Variants in ATP13A5 observed in about 807,000 individuals in gnomAD.
ATP13A5 encodes probable cation-transporting ATPase 13A5.
ATP13A5 carries 149 observed loss-of-function variants against 150.2 expected under a neutral mutation model. That is an observed-to-expected ratio of 0.99 (90% CI 0.87 to 1.14). ATP13A5 has a LOEUF of 1.14. Among genes scored for constraint, ATP13A5 ranks in the 50% most tolerant of loss-of-function variants. The pLI is 0.00. For synonymous variants in ATP13A5, 497 were observed against 522.2 expected (o/e 0.95, Z 0.66); for missense variants, 1,383 against 1,449.3 (o/e 0.95, Z 0.74).
intron 5 of ATP13A5, among the ~76,000 whole-genome samples, chr3:193,355,468 G>A (rs1314719312): frequency 6.6e-6 from 1 of 152,152 alleles, no homozygotes; most frequent in Non-Finnish European, 1.5e-5. Flanking sequence ...CCTCAGAAAG[G>A]ACCAATGGGG....
At chr3:193,366,499 A>G (rs1713243198) in intron 1 of ATP13A5, among the ~76,000 whole-genome samples, 1 of 152,076 alleles carries the variant, frequency 6.6e-6, no homozygotes, top group South Asian at 2.1e-4. Context: ...AAAAAATACT[A>G]TGAGAGCAAA....
At chr3:193,279,822 C>T (rs1454358597) in intron 27 of ATP13A5, among the ~76,000 whole-genome samples, 1 of 151,826 alleles carries the variant, frequency 6.6e-6, no homozygotes, top group African/African-American at 2.4e-5. Flanking sequence ...TTCAGGGATC[C>T]TCTATTGACA....
chr3:193,359,592 T>C (rs1234290353), intron 5 of ATP13A5, among the ~76,000 whole-genome samples: 1 of 152,212 alleles, frequency 6.6e-6, no homozygotes, highest in Non-Finnish European at 1.5e-5. Context: ...AGAATTAAAT[T>C]TGGCCTTGCA....
intron 26 of ATP13A5, among the ~76,000 whole-genome samples, chr3:193,288,043 G>A (rs983109876): frequency 6.6e-6 from 1 of 152,138 alleles, no homozygotes; most frequent in African/African-American, 2.4e-5. Context: ...TAGAAGTGGA[G>A]CCTGAAGATG....
intron 1 of ATP13A5, among the ~76,000 whole-genome samples, chr3:193,368,406 G>GTGTGTA (rs1202443253): frequency 6.6e-6 from 1 of 151,802 alleles, no homozygotes; most frequent in African/African-American, 2.4e-5. Context: ...GTGTGTGTGT[G>GTGTGTA]TGTGTGTGTG....
chr3:193,330,004 C>T (rs1397977872), intron 12 of ATP13A5, among the ~76,000 whole-genome samples: 1 of 152,168 alleles, frequency 6.6e-6, no homozygotes, highest in Non-Finnish European at 1.5e-5. Context: ...GCATATGAGG[C>T]CCTTAACAAT....
chr3:193,279,445 G>T lies in ATP13A5; in HGVS notation c.3236C>A (p.Ser1079Ter). Residue 1079 changes from serine (S) to a stop codon, truncating the protein, a stop_gained, in exon 28 of 30, where the codon TCA (serine) becomes TAA (stop). Coordinates refer to ENST00000342358, the MANE Select transcript of ATP13A5 (RefSeq NM_198505.4). LOFTEE classifies it high-confidence loss of function. ...RKPIYTNYIF[S>*]FLLLAALGLT... The stretch of plus-strand genomic sequence containing the variant: ...GCCCAAGGCAGCTAGCAGCAGAAAT[G>T]AAAATATATCTGAGGAAATACCAAA... 6.2e-7 allele frequency: 1 copy of T among 1,612,928 alleles called. No homozygotes were observed. Among genetic ancestry groups the T allele is most frequent in the Non-Finnish European group, 8.5e-7 (1 of 1,179,114 alleles).
intron 25 of ATP13A5, among the ~76,000 whole-genome samples, chr3:193,291,971 G>A (rs1179169847): frequency 6.6e-6 from 1 of 152,070 alleles, no homozygotes; most frequent in Non-Finnish European, 1.5e-5. Flanking sequence ...TTGAACCCAA[G>A]GGAGTAATGG....
At chr3:193,278,393 G>C (rs1717322937) in intron 28 of ATP13A5, among the ~76,000 whole-genome samples, 1 of 152,084 alleles carries the variant, frequency 6.6e-6, no homozygotes, top group Non-Finnish European at 1.5e-5. Context: ...AACTTCTCTA[G>C]CTGCCTCCAT....
Position 193,333,986 on chromosome 3 carries a change from A to G in ATP13A5, c.1115-79T>C, listed in dbSNP as rs904150118. ...CCTAAAAATGGCTTTACTGTCTTTG[A>G]GGAAAAGAGTAGAGTGTCCTCTAAC... is the stretch of plus-strand genomic sequence containing the variant. On this transcript the variant is annotated intron_variant, in intron 10 of 29. Transcript: ENST00000342358. 1.0e-5 allele frequency: 14 copies of G among 1,356,698 alleles called. No individual in the cohort carries two copies. The African/African-American group carries it at 1.3e-4, about 13-fold the overall frequency. 84.0% of individuals were successfully genotyped at this position (1,356,698 alleles called of 1,614,324 possible). A position where few individuals can be genotyped will look rare whatever the true frequency, so the allele number is the denominator to read the frequency against.
intron 17 of ATP13A5, 30 bp from the exon 18 acceptor site, chr3:193,315,126 A>G: frequency 6.2e-7 from 1 of 1,608,814 alleles, no homozygotes; most frequent in Non-Finnish European, 8.5e-7. Context: ...TCAATATTAA[A>G]GTATATCTAC....
chr3:193,335,128 A>G (rs779323100), intron 9 of ATP13A5, 29 bp from the exon 10 acceptor site: 6 of 1,608,502 alleles, frequency 3.7e-6, no homozygotes, highest in Non-Finnish European at 2.6e-6. Flanking sequence ...TGTTGAATCT[A>G]TGTAAGCTCA....
intron 27 of ATP13A5, chr3:193,281,051 A>T: frequency 4.3e-6 from 1 of 233,400 alleles, no homozygotes; most frequent in Non-Finnish European, 7.0e-6. Flanking sequence ...AAATAAATGC[A>T]GCACGTCTCA....
chr3:193,303,950 C>T (rs780151208), intron 23 of ATP13A5, among the ~76,000 whole-genome samples: 8 of 151,652 alleles, frequency 5.3e-5, no homozygotes, highest in East Asian at 1.9e-4. Flanking sequence ...GTAAATTCTC[C>T]GGGGGCAAGA....
intron 27 of ATP13A5, chr3:193,281,320 A>G: frequency 2.3e-6 from 1 of 444,308 alleles, no homozygotes. Context: ...ATGGTCTAAA[A>G]ACTAGGTCTC....
At chr3:193,307,954 G>A (rs1296176034) in intron 21 of ATP13A5, among the ~76,000 whole-genome samples, 1 of 152,156 alleles carries the variant, frequency 6.6e-6, no homozygotes, top group Non-Finnish European at 1.5e-5. Context: ...GGCTGCCAAA[G>A]AAAAGGAGTT....
chr3:193,302,178 C>T (rs1394472367), intron 23 of ATP13A5, among the ~76,000 whole-genome samples: 1 of 152,132 alleles, frequency 6.6e-6, no homozygotes, highest in East Asian at 1.9e-4. Flanking sequence ...ACCTGCTCTG[C>T]TCAAAGATGT....
intron 9 of ATP13A5, among the ~76,000 whole-genome samples, chr3:193,336,318 A>G (rs1350726113): frequency 2.0e-5 from 3 of 152,150 alleles, no homozygotes; most frequent in Non-Finnish European, 4.4e-5. Context: ...TACATGTGCC[A>G]TGCTGGTGTG....
chr3:193,301,307 T>C lies in ATP13A5; in HGVS notation c.2679A>G (p.Arg893=). The C allele has an allele frequency of 6.2e-7, 1 of 1,607,238 alleles. No homozygotes were observed. The change falls in exon 24 of 30, where the codon AGA becomes AGG. Residue 893 remains arginine, a splice_region_variant and synonymous_variant. Coordinates refer to ENST00000342358, the MANE Select transcript of ATP13A5 (RefSeq NM_198505.4). ...ATGAAACCAGAGCAGCTCGGCCTTC[T>C]CTGTTTAAAAAGAAATAAAAATAAA... ...TNIQCVPHLI[R]EGRAALVSSF...
Sources: gnomAD v4.1 joint callset for allele counts (sites outside exome capture counted in the v4.1 genomes callset) on GRCh38, gnomAD v4.1.1 for gene constraint, MANE v1.5 for transcripts, NCBI Gene and HGNC (gene_info 2026-07-23, HGNC 2026-07-21) for gene names.